Variants in LPP observed in about 807,000 individuals in gnomAD.
LPP encodes lipoma-preferred partner.
LPP carries 38 observed loss-of-function variants against 60.4 expected under a neutral mutation model. That is an observed-to-expected ratio of 0.63 (90% CI 0.49 to 0.83). The LOEUF (loss-of-function observed/expected upper bound fraction) is 0.83. Ranked by LOEUF, LPP falls within the 40% of genes least tolerant of loss-of-function variation. The pLI, the probability that LPP is intolerant of heterozygous loss-of-function variation, is 0.00. For missense variants in LPP, 902 were observed against 783.6 expected (o/e 1.15, Z -1.80); for synonymous variants, 328 against 290.8 (o/e 1.13, Z -1.30).
At chr3:188,821,893 G>A (rs548080808) in intron 9 of LPP, among the ~76,000 whole-genome samples, 9 of 152,036 alleles carry the variant, frequency 5.9e-5, no homozygotes, top group African/African-American at 2.2e-4. Flanking sequence ...ACTTTTGTGT[G>A]ACTAATCCAA....
intron 8 of LPP, among the ~76,000 whole-genome samples, chr3:188,747,440 A>G (rs1330522735): frequency 6.6e-6 from 1 of 152,226 alleles, no homozygotes; most frequent in Non-Finnish European, 1.5e-5. Flanking sequence ...ACAAAGTAAG[A>G]TTCTGAAGGG....
intron 6 of LPP, among the ~76,000 whole-genome samples, chr3:188,584,030 C>T (rs1836858422): frequency 6.6e-6 from 1 of 152,266 alleles, no homozygotes; most frequent in East Asian, 1.9e-4. Context: ...TACAAATGTA[C>T]TATAGATATG....
intron 2 of LPP, among the ~76,000 whole-genome samples, chr3:188,241,313 G>A (rs565746750): frequency 2.0e-5 from 3 of 152,294 alleles, no homozygotes; most frequent in South Asian, 2.1e-4. Flanking sequence ...GGGTATAAAC[G>A]CCTGTCCGCT....
At chr3:188,300,453 C>G (rs1749416766) in intron 2 of LPP, among the ~76,000 whole-genome samples, 1 of 118,320 alleles carries the variant, frequency 8.5e-6, no homozygotes, top group South Asian at 2.8e-4. Flanking sequence ...CACACTTGGC[C>G]ATTTTTTTTT....
intron 7 of LPP, among the ~76,000 whole-genome samples, chr3:188,623,919 C>T (rs1394503821): frequency 6.6e-6 from 1 of 152,132 alleles, no homozygotes; most frequent in Admixed American, 6.5e-5. Flanking sequence ...TCTAGCCTGC[C>T]CTGGCCAAGT....
At chr3:188,814,594 A>G (rs949636007) in intron 9 of LPP, among the ~76,000 whole-genome samples, 7 of 152,190 alleles carry the variant, frequency 4.6e-5, no homozygotes, top group Non-Finnish European at 1.5e-5. Flanking sequence ...GTCAAATGCT[A>G]TTAAAATTCT....
chr3:188,623,069 T>G (rs1437685435), intron 7 of LPP, among the ~76,000 whole-genome samples: 1 of 118,538 alleles, frequency 8.4e-6, no homozygotes, highest in Non-Finnish European at 1.7e-5. Flanking sequence ...CATCTTCACT[T>G]TTTAAGGAAA....
In LPP at chr3:188,813,039, A is replaced by G. The variant is rs1261485568; in HGVS notation, c.1410+52757A>G. On this transcript the variant is annotated intron_variant, in intron 9 of 11. Coordinates refer to ENST00000617246, the MANE Select transcript of LPP (RefSeq NM_001375462.1). ...GCTTCTGTATTTCCACTCACTCAGT[A>G]TGAAGTTTGCTATTATTTTCCCCAA... Among the ~76,000 whole-genome samples the G allele has an allele frequency of 3.3e-5, 5 of 152,286 alleles. No individual in the cohort carries two copies. In the South Asian group the frequency reaches 8.3e-4, roughly 25 times the overall value.
intron 4 of LPP, among the ~76,000 whole-genome samples, chr3:188,421,287 G>A (rs1382697570): frequency 6.6e-6 from 1 of 152,128 alleles, no homozygotes; most frequent in Non-Finnish European, 1.5e-5. Flanking sequence ...ATTCATCAGT[G>A]CAGTGGCCTA....
At chr3:188,477,119 G>C (rs34057316) in intron 4 of LPP, among the ~76,000 whole-genome samples, 40,825 of 152,010 alleles carry the variant, frequency 0.27, 6,053 homozygotes, top group African/African-American at 0.4. Flanking sequence ...ATTTGTATCC[G>C]GTATCTTCCT....
Position 188,760,258 on chromosome 3 carries a change from A to G in LPP, c.1386A>G (p.Lys462=). 1 of 1,614,162 alleles carries G rather than the reference A, an allele frequency of 6.2e-7. No individual in the cohort carries two copies. The highest frequency in any genetic ancestry group is 1.1e-5 in the South Asian group (1 of 91,080). Residue 462 remains lysine (K), a synonymous_variant, in exon 9 of 12, where the codon AAA becomes AAG. Transcript: ENST00000617246. The part of the protein sequence containing the change: ...RGQPFYAVEK[K]AYCEPCYINT... ...AGCCATTCTATGCTGTGGAAAAGAA[A>G]GCATACTGCGAGCCCTGCTACATTG...
chr3:188,802,380 CAAGG>C, intron 9 of LPP, among the ~76,000 whole-genome samples: 1 of 152,218 alleles, frequency 6.6e-6, no homozygotes, highest in East Asian at 1.9e-4. Context: ...TGGCTCAAAG[CAAGG>C]AATTAGGATG....
Position 188,878,015 on chromosome 3 carries a change from C to T in LPP, c.*3536C>T, listed in dbSNP as rs1769449607. On this transcript the variant is annotated 3_prime_UTR_variant, in exon 12 of 12. Transcript: ENST00000617246. ...GGTGAGGTTTAAAGGATATGAAACT[C>T]TACATTTAAACAAGTATTTTATATT... The T allele has an allele frequency of 4.6e-6, 1 of 216,970 alleles. No individual in the cohort carries two copies. The allele number at this position is 216,970 out of a possible 1,614,324, so 13.4% of individuals were successfully genotyped here.
chr3:188,875,518 T>G lies in LPP; in HGVS notation c.*1039T>G, dbSNP rs1578107341. 4.7e-6 allele frequency: 1 copy of G among 214,122 alleles called. No homozygotes were observed. Among genetic ancestry groups the G allele is most frequent in the African/African-American group, 2.3e-5 (1 of 44,224 alleles). The allele number at this position is 214,122 out of a possible 1,614,324, so 13.3% of individuals were successfully genotyped here. On this transcript the variant is annotated 3_prime_UTR_variant, in exon 12 of 12. Transcript: ENST00000617246. ...GTCCATTTTGCCTGACAATTGCAAA[T>G]CAGAGCATACAAAATAAAACTGTGC...
intron 4 of LPP, among the ~76,000 whole-genome samples, chr3:188,481,915 T>C (rs9830736): frequency 0.57 from 87,124 of 151,946 alleles, 25,316 homozygotes; most frequent in Middle Eastern, 0.69. Context: ...GAAGAAGACA[T>C]AGTAATATGG....
intron 3 of LPP, among the ~76,000 whole-genome samples, chr3:188,360,507 G>C (rs1290733255): frequency 6.6e-6 from 1 of 151,148 alleles, no homozygotes; most frequent in Admixed American, 6.6e-5. Context: ...ATGATATCCT[G>C]TCTGAATTAC....
chr3:188,249,555 A>G (rs1728323653), intron 2 of LPP, among the ~76,000 whole-genome samples: 1 of 152,184 alleles, frequency 6.6e-6, no homozygotes, highest in Non-Finnish European at 1.5e-5. Context: ...TGTATATATT[A>G]TATGAAATAA....
At position 188,156,026 on chromosome 3, in the gene LPP, A is replaced by G. The variant is rs1417551502; in HGVS notation, c.-190+1774A>G. Among the ~76,000 whole-genome samples, 3 of 152,206 alleles carry G rather than the reference A, an allele frequency of 2.0e-5. No homozygotes were observed. In the East Asian group the frequency reaches 5.8e-4, roughly 29 times the overall value. On this transcript the variant is annotated intron_variant, in intron 1 of 11. Transcript: ENST00000617246. ...GGAGACTGCCTCTCAAAAAAAACAA[A>G]AAACAACAACAACAAACAAAGGAGA...
chr3:188,313,526 T>C (rs983193763), intron 2 of LPP, among the ~76,000 whole-genome samples: 4 of 151,876 alleles, frequency 2.6e-5, no homozygotes, highest in Non-Finnish European at 1.5e-5. Context: ...TAGTCCCAGC[T>C]ACTCGGGAGG....
Sources: gnomAD v4.1 joint callset for allele counts (sites outside exome capture counted in the v4.1 genomes callset) on GRCh38, gnomAD v4.1.1 for gene constraint, MANE v1.5 for transcripts, NCBI Gene and HGNC (gene_info 2026-07-23, HGNC 2026-07-21) for gene names.